The following QNG1 variants were observed in gnomAD, a reference collection of about 807,000 sequenced individuals.
QNG1 encodes the protein queuosine 5'-phosphate N-glycosylase/hydrolase.
the QNG1 span, among the ~76,000 whole-genome samples, chr9:83,950,064 T>TA: frequency 6.6e-6 from 1 of 150,694 alleles, no homozygotes; most frequent in African/African-American, 2.4e-5. Context: ...TTTTTTTTTT[T>TA]TTGGAGACGG....
chr9:83,941,963 G>A, the QNG1 span, among the ~76,000 whole-genome samples: 1 of 151,624 alleles, frequency 6.6e-6, no homozygotes, highest in Non-Finnish European at 1.5e-5. Context: ...AGGATAAGAA[G>A]GCCATGATTG....
At chr9:83,950,118 C>T in the QNG1 span, among the ~76,000 whole-genome samples, 16 of 149,468 alleles carry the variant, frequency 1.1e-4, no homozygotes, top group African/African-American at 3.7e-4. Context: ...GGTGCAATCT[C>T]GGCTCACTGC....
the QNG1 span, among the ~76,000 whole-genome samples, chr9:83,951,261 AC>A: frequency 6.7e-6 from 1 of 149,888 alleles, no homozygotes. Flanking sequence ...ATCTCAAAAA[AC>A]AAAAAACAAA....
the QNG1 span, among the ~76,000 whole-genome samples, chr9:83,950,184 G>A: frequency 2.0e-5 from 3 of 151,878 alleles, no homozygotes; most frequent in East Asian, 5.8e-4. Context: ...CGAGTAGCTG[G>A]GATTACAGAT....
the QNG1 span, chr9:83,953,720 TA>T: frequency 9.3e-7 from 1 of 1,074,196 alleles, no homozygotes; most frequent in Non-Finnish European, 1.4e-6. Context: ...TGCGGTGGCG[TA>T]ATCTCGGCTC....
At chr9:83,947,254 A>C in the QNG1 span, among the ~76,000 whole-genome samples, 1 of 152,202 alleles carries the variant, frequency 6.6e-6, no homozygotes, top group South Asian at 2.1e-4. Context: ...TTGGAGGAGA[A>C]TATTTTAACT....
chr9:83,938,408 A>C, the QNG1 span: 1 of 152,168 alleles, frequency 6.6e-6, no homozygotes, highest in Non-Finnish European at 1.5e-5. Flanking sequence ...ATGATGTACA[A>C]AACCCACTGT....
At chr9:83,938,574 CA>C in the QNG1 span, 1 of 151,610 alleles carries the variant, frequency 6.6e-6, no homozygotes, top group Non-Finnish European at 1.5e-5. Context: ...GAAATATTAT[CA>C]CTGAAGATTA....
At chr9:83,956,534 C>T in the QNG1 span, 632 of 1,508,000 alleles carry the variant, frequency 4.2e-4, 1 homozygote, top group Middle Eastern at 7.2e-4. Context: ...CCAAACTCTT[C>T]CCGCCCTAGG....
the QNG1 span, among the ~76,000 whole-genome samples, chr9:83,954,193 C>T: frequency 6.6e-6 from 1 of 152,026 alleles, no homozygotes; most frequent in African/African-American, 2.4e-5. Flanking sequence ...CGAGTCTGGC[C>T]AGAAATACTT....
the QNG1 span, among the ~76,000 whole-genome samples, chr9:83,944,384 T>C: frequency 3.2e-4 from 49 of 152,322 alleles, no homozygotes; most frequent in South Asian, 0.01. Flanking sequence ...GTGCAAGATA[T>C]CCCAGTGCAG....
chr9:83,956,241 C>G, the QNG1 span: 1 of 1,614,094 alleles, frequency 6.2e-7, no homozygotes, highest in Non-Finnish European at 8.5e-7. Context: ...CCTCACCACA[C>G]ACTTGTGCTC....
the QNG1 span, among the ~76,000 whole-genome samples, chr9:83,941,803 T>C: frequency 6.6e-6 from 1 of 151,362 alleles, no homozygotes; most frequent in Non-Finnish European, 1.5e-5. Context: ...ATCCCAGCTA[T>C]CCAGGAGGCT....
chr9:83,943,710 T>G, the QNG1 span, among the ~76,000 whole-genome samples: 1 of 152,174 alleles, frequency 6.6e-6, no homozygotes, highest in Non-Finnish European at 1.5e-5. Flanking sequence ...TATTCAATCA[T>G]AGAATCTACT....
the QNG1 span, among the ~76,000 whole-genome samples, chr9:83,943,817 C>A: frequency 1.3e-5 from 2 of 150,876 alleles, no homozygotes; most frequent in South Asian, 2.1e-4. Flanking sequence ...GTCAGGAGAT[C>A]GAGACCATCC....
At chr9:83,944,445 C>T in the QNG1 span, among the ~76,000 whole-genome samples, 1 of 152,170 alleles carries the variant, frequency 6.6e-6, no homozygotes, top group Non-Finnish European at 1.5e-5. Context: ...TATCTTTCAA[C>T]CTACCTTCAT....
the QNG1 span, among the ~76,000 whole-genome samples, chr9:83,945,747 G>A: frequency 2.6e-4 from 40 of 151,814 alleles, no homozygotes; most frequent in East Asian, 2.9e-3. Flanking sequence ...GACTACGGGC[G>A]CCGTCACCAC....
chr9:83,946,177 C>CGCCT, the QNG1 span, among the ~76,000 whole-genome samples: 1 of 151,844 alleles, frequency 6.6e-6, no homozygotes, highest in South Asian at 2.1e-4. Flanking sequence ...TGGTGGCGAT[C>CGCCT]GCCTGTAGTC....
chr9:83,943,737 A>G, the QNG1 span, among the ~76,000 whole-genome samples: 5 of 152,128 alleles, frequency 3.3e-5, no homozygotes, highest in Admixed American at 6.5e-5. Context: ...AAAAAAATAC[A>G]TAAGGCCGGG....
Sources: allele counts gnomAD v4.1 joint callset (sites outside exome capture counted in the v4.1 genomes callset), GRCh38; gene constraint gnomAD v4.1.1; transcripts MANE v1.5; gene names NCBI Gene and HGNC (gene_info 2026-07-23, HGNC 2026-07-21).